Variants in DDX43 observed in about 807,000 individuals in gnomAD.
DDX43 encodes the protein probable ATP-dependent RNA helicase DDX43.
DDX43 carries 50 observed loss-of-function variants against 84.9 expected under a neutral mutation model. The ratio of observed to expected loss-of-function variants is 0.59; its 90% CI spans 0.47 to 0.75. The LOEUF is 0.75. DDX43 is among the 30% of genes least tolerant of loss of function. The pLI, the probability that DDX43 is intolerant of heterozygous loss-of-function variation, is 0.00. For synonymous variants in DDX43, 291 were observed against 266.3 expected, an observed-to-expected ratio of 1.09 and a Z score of -0.90; for missense variants, 689 against 798.6, an observed-to-expected ratio of 0.86 and a Z score of 1.65.
chr6:73,396,698 C>G (rs768217330), intron 1 of DDX43, among the ~76,000 whole-genome samples: 7 of 152,190 alleles, frequency 4.6e-5, no homozygotes, highest in Non-Finnish European at 1.0e-4. Flanking sequence ...ACTTGCATGA[C>G]TAAAACTGTA....
rs141846637 is a variant in DDX43 at position 73,408,041 on chromosome 6, C to T, written c.1119C>T (p.Pro373=). The change falls in exon 9 of 17, where the codon CCC becomes CCT. Residue 373 remains proline, a synonymous_variant. Coordinates refer to ENST00000370336, the MANE Select transcript of DDX43 (RefSeq NM_018665.3). ...GTGTAGATATCATAATTGCAACTCCCGGAAGATTGAATGATCTGCAAATGA... is the reference window on the plus strand; with the variant it reads ...GTGTAGATATCATAATTGCAACTCCTGGAAGATTGAATGATCTGCAAATGA... ...KKGVDIIIAT[P]GRLNDLQMSN... is the part of the protein sequence containing the mutation. 56 of 1,613,444 alleles carry T rather than the reference C, an allele frequency of 3.5e-5. No homozygotes were observed. Among genetic ancestry groups the T allele is most frequent in the African/African-American group, 8.0e-5 (6 of 74,770 alleles).
At chr6:73,409,489 A>G (rs536239932) in intron 10 of DDX43, 141 bp downstream of exon 10, 1 of 696,518 alleles carries the variant, frequency 1.4e-6, no homozygotes, top group South Asian at 1.8e-5. Flanking sequence ...CATTGGAAGT[A>G]GAACAGTGTA....
Position 73,413,983 on chromosome 6 carries a change from T to C in DDX43, c.1510T>C (p.Ser504Pro). The C allele has an allele frequency of 6.2e-7, 1 of 1,605,878 alleles. No individual in the cohort carries two copies. The highest frequency in any genetic ancestry group is 8.5e-7 in the Non-Finnish European group (1 of 1,172,542). Residue 504 changes from serine (S) to proline (P), a missense_variant, in exon 13 of 17, where the codon TCA becomes CCA. Transcript: ENST00000370336. Reference protein sequence around the residue: ...VSRKAVADHLSSDLILGNISV... With the variant: ...VSRKAVADHLPSDLILGNISV... ...CTTTTGCTTCAGTGCGGATCACTTA[T>C]CAAGTGACCTAATACTTGGAAATAT...
intron 2 of DDX43, 87 bp from the exon 3 acceptor site, chr6:73,400,147 A>G: frequency 9.0e-7 from 1 of 1,116,392 alleles, no homozygotes; most frequent in Non-Finnish European, 1.3e-6. Flanking sequence ...AAGTTGAGTG[A>G]TTGTTGGAAG....
intron 11 of DDX43, among the ~76,000 whole-genome samples, chr6:73,412,944 G>A (rs372434836): frequency 1.3e-5 from 2 of 152,154 alleles, no homozygotes; most frequent in Admixed American, 1.3e-4. Flanking sequence ...GGCCAGGCTG[G>A]TCTCAAACTC....
intron 16 of DDX43, among the ~76,000 whole-genome samples, chr6:73,416,868 G>A (rs754829685): frequency 2.0e-5 from 3 of 152,094 alleles, no homozygotes; most frequent in African/African-American, 7.2e-5. Context: ...GCAAAACCCC[G>A]TCTCTATTAA....
chr6:73,413,195 TTC>T (rs1321782837), intron 11 of DDX43, among the ~76,000 whole-genome samples: 1 of 152,070 alleles, frequency 6.6e-6, no homozygotes, highest in African/African-American at 2.4e-5. Context: ...TAATATAAAG[TTC>T]TCTTTCTGGC....
intron 1 of DDX43, among the ~76,000 whole-genome samples, 172 bp downstream of exon 1, chr6:73,395,327 G>C (rs980545734): frequency 6.6e-6 from 1 of 152,148 alleles, no homozygotes; most frequent in Non-Finnish European, 1.5e-5. Flanking sequence ...TAATCTGGCC[G>C]GGCGCGTTGG....
intron 2 of DDX43, among the ~76,000 whole-genome samples, chr6:73,399,490 C>T (rs1769529333): frequency 6.6e-6 from 1 of 152,130 alleles, no homozygotes; most frequent in Non-Finnish European, 1.5e-5. Context: ...TCTAAGGCCC[C>T]CATTCTGTGT....
intron 1 of DDX43, among the ~76,000 whole-genome samples, chr6:73,395,617 TAAAAAAA>T (rs760280152): frequency 3.7e-5 from 5 of 133,622 alleles, no homozygotes; most frequent in Non-Finnish European, 8.2e-5. Flanking sequence ...CCGTCTCAAT[TAAAAAAA>T]AAAAAAAAAA....
chr6:73,401,979 C>T lies in DDX43; in HGVS notation c.557C>T (p.Thr186Ile), dbSNP rs1363510272. The change falls in exon 4 of 17, where the codon ACA becomes ATA. Residue 186 changes from threonine (T) to isoleucine (I), a missense_variant. Physicochemically the swap from Thr to Ile is moderately conservative, Grantham distance 89. This residue lies in a region of DDX43 where 552 missense variants were observed against 692.7 expected (regional missense o/e 0.80). Coordinates refer to ENST00000370336, the MANE Select transcript of DDX43 (RefSeq NM_018665.3). ...GAGGAAGGTTTGAAATGGCAAAAAA[C>T]AAAGTGGGCAGGTCAGTGCTGCTTC... ...IREEGLKWQK[T>I]KWADLPPIKK... The T allele has an allele frequency of 6.2e-7, 1 of 1,613,924 alleles. No homozygotes were observed. Among genetic ancestry groups the T allele is most frequent in the South Asian group, 1.1e-5 (1 of 91,066 alleles).
intron 10 of DDX43, among the ~76,000 whole-genome samples, chr6:73,411,854 C>T (rs1301389789): frequency 6.6e-6 from 1 of 152,100 alleles, no homozygotes; most frequent in Non-Finnish European, 1.5e-5. Context: ...TCCGCTAACA[C>T]ACCCAGCTGA....
Position 73,414,551 on chromosome 6 carries a change from A to T in DDX43, c.1610A>T (p.Lys537Ile). ...TTCATTTGGCTTTACTTTTTAGGCA[A>T]AGTGAGAATACTAATTGCAACTGAT... ...EKALENFKTG[K>I]VRILIATDLA... is the part of the protein sequence containing the mutation. The change falls in exon 14 of 17, where the codon AAA becomes ATA. Residue 537 changes from lysine to isoleucine, a missense_variant. Physicochemically the swap from Lys to Ile is moderately radical, Grantham distance 102. Coordinates refer to ENST00000370336, the MANE Select transcript of DDX43 (RefSeq NM_018665.3). The T allele has an allele frequency of 3.1e-6, 5 of 1,610,972 alleles. No homozygotes were observed. The highest frequency in any genetic ancestry group is 4.2e-6 in the Non-Finnish European group (5 of 1,178,838).
Position 73,397,724 on chromosome 6 carries a change from A to G in DDX43, c.286A>G (p.Thr96Ala). ...GGSKIKNIQS[T>A]TNTTIQIIQE... is the part of the protein sequence containing the mutation. ...GTCAAAAATAAAGAATATACAAAGT[A>G]CAACAAACACCACAATCCAAGTAAG... The change falls in exon 2 of 17, where the codon ACA (threonine) becomes GCA (alanine). Residue 96 changes from threonine (T) to alanine (A), a missense_variant. Thr to Ala is a moderately conservative substitution (Grantham distance 58). Coordinates refer to ENST00000370336, the MANE Select transcript of DDX43 (RefSeq NM_018665.3). The G allele has an allele frequency of 6.2e-7, 1 of 1,613,914 alleles. No homozygotes were observed. The highest frequency in any genetic ancestry group is 8.5e-7 in the Non-Finnish European group (1 of 1,179,764).
At chr6:73,400,548 A>C (rs1425578354) in intron 3 of DDX43, among the ~76,000 whole-genome samples, 185 bp downstream of exon 3, 1 of 152,210 alleles carries the variant, frequency 6.6e-6, no homozygotes, top group Non-Finnish European at 1.5e-5. Context: ...CCAGAGCTCT[A>C]TGTTCATGCC....
At chr6:73,404,105 C>G (rs1173824679) in intron 4 of DDX43, among the ~76,000 whole-genome samples, 7 of 151,428 alleles carry the variant, frequency 4.6e-5, no homozygotes, top group African/African-American at 1.7e-4. Context: ...CAGGCGTGAG[C>G]CGCCGCCGCC....
At chr6:73,400,509 C>A in intron 3 of DDX43, 146 bp downstream of exon 3, 1 of 689,394 alleles carries the variant, frequency 1.5e-6, no homozygotes, top group Non-Finnish European at 2.1e-6. Flanking sequence ...TGAATGAAAG[C>A]CCAGAATATT....
In DDX43 at chr6:73,409,355, A is replaced by T. The variant is rs768932398; in HGVS notation, c.1280+7A>T. Reference sequence around the variant, plus strand: ...GGCAGACAGTTATGACCAGGTACGTATATGCTTAATTACTGTGTGCAGAAT... The same window carrying T: ...GGCAGACAGTTATGACCAGGTACGTTTATGCTTAATTACTGTGTGCAGAAT... On this transcript the variant is annotated splice_region_variant and intron_variant, in intron 10 of 16. Transcript: ENST00000370336. 3 of 1,585,874 alleles carry T rather than the reference A, an allele frequency of 1.9e-6. No individual in the cohort carries two copies. The highest frequency in any genetic ancestry group is 2.7e-5 in the African/African-American group (2 of 74,472).
In DDX43 at chr6:73,395,031, A is replaced by G. The variant is rs910454786; in HGVS notation, c.126A>G (p.Gly42=). ...AGTTGAATCGAACAGGTCCTGAGGGATATAGTGTCGGCAGAGGTGGTCGCT... is the reference window on the plus strand; with the variant it reads ...AGTTGAATCGAACAGGTCCTGAGGGGTATAGTGTCGGCAGAGGTGGTCGCT... ...AEELNRTGPE[G]YSVGRGGRWR... is the part of the protein sequence containing the mutation. Residue 42 remains glycine (G), a synonymous_variant, in exon 1 of 17, where the codon GGA becomes GGG. Coordinates refer to ENST00000370336, the MANE Select transcript of DDX43 (RefSeq NM_018665.3). 41 of 1,614,082 alleles carry G rather than the reference A, an allele frequency of 2.5e-5. No homozygotes were observed. Among genetic ancestry groups the G allele is most frequent in the Non-Finnish European group, 3.2e-5 (38 of 1,180,046 alleles).
Sources: gnomAD v4.1 joint callset for allele counts (sites outside exome capture counted in the v4.1 genomes callset) on GRCh38, gnomAD v4.1.1 for gene constraint, gnomAD v4.1.1 regional missense constraint, MANE v1.5 for transcripts, NCBI Gene and HGNC (gene_info 2026-07-23, HGNC 2026-07-21) for gene names.